Variants in RPGR observed in about 807,000 individuals in gnomAD.
RPGR encodes retinitis pigmentosa GTPase regulator, also known as X-linked retinitis pigmentosa GTPase regulator.
RPGR carries 10 observed loss-of-function variants against 56.3 expected under a neutral mutation model. The observed-to-expected ratio is 0.18, with a 90% CI of 0.11 to 0.30. The LOEUF (loss-of-function observed/expected upper bound fraction) is 0.30, where lower values mean the gene tolerates loss of function less well. Among genes scored for constraint, RPGR ranks in the 10% least tolerant of loss-of-function variants. The probability of loss-of-function intolerance (pLI) is 1.00; values close to 1 mark genes in which losing one functional copy is unlikely to be tolerated. For missense variants in RPGR, 538 were observed against 590.9 expected, an observed-to-expected ratio of 0.91 and a Z score of 0.93; for synonymous variants, 197 against 212.9, an observed-to-expected ratio of 0.93 and a Z score of 0.65.
At position 38,311,313 on chromosome X, in the gene RPGR, C is replaced by T. The variant is rs899718109; in HGVS notation, c.620-540G>A. ...GAGTTCCTGACACTTAATCACTGCC[C>T]TGTCCATACTAACGCTATTAATTTG... On this transcript the variant is annotated intron_variant, in intron 6 of 18. Transcript: ENST00000642395. Among the ~76,000 whole-genome samples the T allele has an allele frequency of 8.9e-5, 10 of 112,425 alleles. 1 individual carries two copies. The highest frequency in any genetic ancestry group is 4.7e-4 in the Admixed American group (5 of 10,598).
chrX:38,299,812 C>T (rs1031830452), intron 9 of RPGR, among the ~76,000 whole-genome samples: 1 of 110,307 alleles, frequency 9.1e-6, no homozygotes, highest in Admixed American at 9.6e-5. Context: ...ATTTTTCCTT[C>T]ATAATACTTT....
rs974333430 is a variant in RPGR at position 38,322,833 on chromosome X, A to G, written c.247+20T>C. The G allele has an allele frequency of 1.7e-6, 2 of 1,163,602 alleles. No individual in the cohort carries two copies. Among genetic ancestry groups the G allele is most frequent in the Non-Finnish European group, 2.3e-6 (2 of 851,536 alleles). ...AAAAATACTTTATACAGTTTGTGAA[A>G]AGATAAAAAGATCCCAAACCTTTGA... On this transcript the variant is annotated intron_variant, in intron 3 of 18. Transcript: ENST00000642395.
intron 18 of RPGR, among the ~76,000 whole-genome samples, chrX:38,271,169 T>G (rs1444333359): frequency 9.0e-6 from 1 of 111,712 alleles, no homozygotes; most frequent in Non-Finnish European, 1.9e-5. Context: ...CTAATAATAA[T>G]AGCTTACTTC....
At chrX:38,327,074 A>G in intron 1 of RPGR, 1 of 315,399 alleles carries the variant, frequency 3.2e-6, no homozygotes, top group Non-Finnish European at 5.5e-6. Context: ...AAAAAAAAAA[A>G]GTGTCCCTGC....
chrX:38,315,883 AGTACCCACTATATATATATTAT>A (rs1367757506), intron 6 of RPGR, among the ~76,000 whole-genome samples: 1 of 106,939 alleles, frequency 9.4e-6, no homozygotes, highest in African/African-American at 3.4e-5. Context: ...ATATATCTGT[AGTACCCACTATATATATATTAT>A]GTACCCACAA....
chrX:38,304,197 C>T (rs936931874), intron 8 of RPGR, among the ~76,000 whole-genome samples: 6 of 111,694 alleles, frequency 5.4e-5, no homozygotes, highest in African/African-American at 1.6e-4. Flanking sequence ...TTCCTGAAAA[C>T]GCCTCCAGGT....
At chrX:38,293,697 T>C (rs926931725) in intron 11 of RPGR, among the ~76,000 whole-genome samples, 1 of 111,776 alleles carries the variant, frequency 8.9e-6, no homozygotes, top group Non-Finnish European at 1.9e-5. Flanking sequence ...TCATATCCGA[T>C]CCACTTGATC....
chrX:38,275,032 CAT>C, intron 17 of RPGR: 2 of 951,231 alleles, frequency 2.1e-6, no homozygotes, highest in Non-Finnish European at 3.0e-6. Context: ...CATACATACA[CAT>C]ATATATGTGT....
intron 15 of RPGR, among the ~76,000 whole-genome samples, chrX:38,279,553 T>A (rs1372425860): frequency 3.2e-5 from 2 of 61,690 alleles, no homozygotes; most frequent in Admixed American, 2.0e-4. Flanking sequence ...GGCTGGGGGG[T>A]GGGGCTGAGA....
chrX:38,322,797 A>G (rs1041361235), intron 3 of RPGR, 56 bp downstream of exon 3: 8 of 912,800 alleles, frequency 8.8e-6, no homozygotes, highest in Non-Finnish European at 1.1e-5. Flanking sequence ...AAAGAACTAC[A>G]CAGTCAACAT....
chrX:38,303,085 C>T, intron 8 of RPGR, among the ~76,000 whole-genome samples: 1 of 111,627 alleles, frequency 9.0e-6, no homozygotes, highest in East Asian at 2.8e-4. Context: ...CTCCTTATCA[C>T]CTTTATCCCT....
intron 15 of RPGR, chrX:38,284,576 T>C (rs1296830710): frequency 1.3e-6 from 1 of 748,843 alleles, no homozygotes; most frequent in East Asian, 1.5e-4. Flanking sequence ...AATAAAAAAT[T>C]ACAGAAGACA....
intron 8 of RPGR, among the ~76,000 whole-genome samples, chrX:38,302,288 G>A (rs1012404162): frequency 2.7e-5 from 3 of 111,540 alleles, no homozygotes; most frequent in African/African-American, 9.8e-5. Flanking sequence ...CCTCTAGTCT[G>A]GGGATTAGGG....
chrX:38,315,832 T>TAGAGAG (rs1439593913), intron 6 of RPGR, among the ~76,000 whole-genome samples: 51 of 89,172 alleles, frequency 5.7e-4, no homozygotes, highest in African/African-American at 2.5e-3. Context: ...TATATATATA[T>TAGAGAG]ATATATAGAG....
intron 15 of RPGR, among the ~76,000 whole-genome samples, chrX:38,282,904 C>G (rs147604777): frequency 0.011 from 1,250 of 110,959 alleles, 20 homozygotes; most frequent in African/African-American, 0.039. Flanking sequence ...ATATATACTA[C>G]TCACACTTCC....
intron 6 of RPGR, among the ~76,000 whole-genome samples, chrX:38,313,279 G>A (rs971456403): frequency 9.0e-6 from 1 of 111,334 alleles, no homozygotes; most frequent in Non-Finnish European, 1.9e-5. Context: ...GCTATCAAAT[G>A]TCTTACGTTA....
chrX:38,279,133 T>C (rs768113424), intron 15 of RPGR: 1 of 330,862 alleles, frequency 3.0e-6, no homozygotes, highest in Non-Finnish European at 5.9e-6. Context: ...TAAACACATC[T>C]GGACGACTAC....
At chrX:38,274,984 G>A in intron 17 of RPGR, 1 of 643,933 alleles carries the variant, frequency 1.6e-6, no homozygotes, top group Non-Finnish European at 2.5e-6. Context: ...TAGCATATAT[G>A]TAAACTTATA....
intron 6 of RPGR, among the ~76,000 whole-genome samples, chrX:38,312,666 G>A (rs1454493830): frequency 8.9e-6 from 1 of 111,776 alleles, no homozygotes; most frequent in East Asian, 2.8e-4. Context: ...CATCCCAGCA[G>A]GGTGTGATGG....
Sources: allele counts gnomAD v4.1 joint callset (sites outside exome capture counted in the v4.1 genomes callset), GRCh38; gene constraint gnomAD v4.1.1; transcripts MANE v1.5; gene names NCBI Gene and HGNC (gene_info 2026-07-23, HGNC 2026-07-21).